The following AGMO variants were observed in gnomAD, a reference collection of about 807,000 sequenced individuals.
AGMO encodes glyceryl-ether monooxygenase.
AGMO carries 75 observed loss-of-function variants against 60.2 expected under a neutral mutation model. The ratio of observed to expected loss-of-function variants is 1.25; its 90% CI spans 1.03 to 1.51. AGMO has a LOEUF of 1.51. Among genes scored for constraint, AGMO ranks in the 40% most tolerant of loss-of-function variants. The pLI is 0.00. For missense variants in AGMO, 763 were observed against 525.5 expected, an observed-to-expected ratio of 1.45 and a Z score of -4.42; for synonymous variants, 261 against 177.1, an observed-to-expected ratio of 1.47 and a Z score of -3.76.
chr7:15,534,911 T>C (rs1784452827), intron 3 of AGMO, among the ~76,000 whole-genome samples: 1 of 151,916 alleles, frequency 6.6e-6, no homozygotes, highest in African/African-American at 2.4e-5. Flanking sequence ...TATTGCATTA[T>C]ATATAATACA....
At chr7:15,180,531 TACC>T in the AGMO span, among the ~76,000 whole-genome samples, 1 of 152,160 alleles carries the variant, frequency 6.6e-6, no homozygotes, top group Non-Finnish European at 1.5e-5. Context: ...TATCCATTTC[TACC>T]ACCATTTTGG....
At chr7:15,336,777 C>T (rs895235431) in intron 12 of AGMO, among the ~76,000 whole-genome samples, 1 of 151,752 alleles carries the variant, frequency 6.6e-6, no homozygotes, top group South Asian at 2.1e-4. Flanking sequence ...ATAATAATTA[C>T]ATGATTTAAA....
intron 12 of AGMO, among the ~76,000 whole-genome samples, chr7:15,259,277 GCAATAGAATTGAA>G (rs766923134): frequency 6.6e-6 from 1 of 151,816 alleles, no homozygotes; most frequent in Non-Finnish European, 1.5e-5. Context: ...GAAAGTCTCA[GCAATAGAATTGAA>G]CAAGCAGAAG....
Position 15,559,932 on chromosome 7 carries a change from C to A in AGMO, c.257+209G>T, listed in dbSNP as rs574110899. Among the ~76,000 whole-genome samples the A allele has an allele frequency of 2.6e-5, 4 of 152,052 alleles. No homozygotes were observed. The South Asian group carries it at 8.3e-4, about 32-fold the overall frequency. On this transcript the variant is annotated intron_variant, in intron 2 of 12. Transcript: ENST00000342526. Reference sequence around the variant, plus strand: ...CATTTCAAAGGGATATCAACAGAGTCAAGATAAATAATGTTTGCGGTGATT... The same window carrying A: ...CATTTCAAAGGGATATCAACAGAGTAAAGATAAATAATGTTTGCGGTGATT...
At chr7:15,176,872 C>A in the AGMO span, among the ~76,000 whole-genome samples, 2 of 151,850 alleles carry the variant, frequency 1.3e-5, no homozygotes, top group African/African-American at 2.4e-5. Flanking sequence ...GGATGCTATA[C>A]ACAACTAAAC....
chr7:15,238,366 G>C (rs1454805945), intron 12 of AGMO, among the ~76,000 whole-genome samples: 1 of 151,718 alleles, frequency 6.6e-6, no homozygotes, highest in South Asian at 2.1e-4. Context: ...GAAAATTATA[G>C]TTAACAATAA....
chr7:15,178,258 C>T, the AGMO span, among the ~76,000 whole-genome samples: 2 of 152,322 alleles, frequency 1.3e-5, no homozygotes, highest in African/African-American at 4.8e-5. Context: ...CATTGCATGA[C>T]TAAAACATCT....
rs1272404352 is a variant in AGMO, at chr7:15,201,028, G to T, written c.*257C>A. 3.4e-6 allele frequency: 1 copy of T among 297,322 alleles called. No homozygotes were observed. Among genetic ancestry groups the T allele is most frequent in the African/African-American group, 2.2e-5 (1 of 46,204 alleles). 18.4% of individuals were successfully genotyped at this position (297,322 alleles called of 1,614,324 possible). ...CTTCTTTTTATACTTGTCATATAAG[G>T]CTATCAGTTAATATAACATCATTAT... is the stretch of plus-strand genomic sequence containing the variant. On this transcript the variant is annotated 3_prime_UTR_variant, in exon 13 of 13. Transcript: ENST00000342526.
At chr7:15,120,155 T>A in the AGMO span, among the ~76,000 whole-genome samples, 1 of 152,052 alleles carries the variant, frequency 6.6e-6, no homozygotes, top group Non-Finnish European at 1.5e-5. Flanking sequence ...AAAGCTCAAT[T>A]TTTTTTAGAT....
chr7:15,139,832 A>AAAAAAAAAAT, the AGMO span, among the ~76,000 whole-genome samples: 1 of 150,692 alleles, frequency 6.6e-6, no homozygotes, highest in Non-Finnish European at 1.5e-5. Context: ...AAAAAAAAAA[A>AAAAAAAAAAT]AAAAAAGAAT....
intron 12 of AGMO, among the ~76,000 whole-genome samples, chr7:15,355,053 A>G (rs1336921713): frequency 6.6e-6 from 1 of 152,156 alleles, no homozygotes; most frequent in Non-Finnish European, 1.5e-5. Context: ...TCACTAACAT[A>G]GTACCATGGA....
rs752197897 is a variant in AGMO, at chr7:15,385,450, G to C, written c.1070C>G (p.Thr357Arg). 5.7e-6 allele frequency: 9 copies of C among 1,565,256 alleles called. No homozygotes were observed. The African/African-American group carries it at 1.2e-4, about 21-fold the overall frequency. ...CTTAAAATGGATATTACTTACAGCTGTATCTGCAAAGGTCTCTTCATAAAA... is the reference window on the plus strand; with the variant it reads ...CTTAAAATGGATATTACTTACAGCTCTATCTGCAAAGGTCTCTTCATAAAA... The part of the protein sequence containing the change: ...LAFYEETFAD[T>R]AALSQVTLLL... Residue 357 changes from threonine to arginine, a missense_variant, in exon 10 of 13, where the codon ACA (threonine) becomes AGA (arginine). Transcript: ENST00000342526.
chr7:15,354,327 T>TGTATACAC (rs1491261219), intron 12 of AGMO, among the ~76,000 whole-genome samples: 1,347 of 32,230 alleles, frequency 0.042, 181 homozygotes, highest in Non-Finnish European at 0.057. Context: ...TGTATATACG[T>TGTATACAC]ACGCGTGTAT....
At chr7:15,507,551 A>G (rs566349353) in intron 3 of AGMO, among the ~76,000 whole-genome samples, 104 of 152,244 alleles carry the variant, frequency 6.8e-4, no homozygotes, top group Middle Eastern at 3.4e-3. Context: ...ATAAATTACA[A>G]GGAAATGGAA....
At chr7:15,531,076 T>C (rs1583654159) in intron 3 of AGMO, among the ~76,000 whole-genome samples, 2 of 75,406 alleles carry the variant, frequency 2.7e-5, no homozygotes, top group Non-Finnish European at 4.8e-5. Flanking sequence ...ATATTCTATA[T>C]ATATTCTATA....
In AGMO at chr7:15,363,589, T is replaced by C. The variant is rs537967374; in HGVS notation, c.1263+1925A>G. On this transcript the variant is annotated intron_variant, in intron 12 of 12. Transcript: ENST00000342526. ...GCAATACGGCTTCAAAGTTCAAGTC[T>C]TTACCATTTACTTTTATCTATTAAC... Among the ~76,000 whole-genome samples, 8 of 152,298 alleles carry C rather than the reference T, an allele frequency of 5.3e-5. No homozygotes were observed. In the South Asian group the frequency reaches 1.7e-3, roughly 32 times the overall value.
chr7:15,191,597 G>A, the AGMO span, among the ~76,000 whole-genome samples: 3 of 152,194 alleles, frequency 2.0e-5, no homozygotes, highest in South Asian at 6.2e-4. Flanking sequence ...ATAATTAAGG[G>A]CAACGAAGTA....
rs202219275 is a variant in AGMO at position 15,234,445 on chromosome 7, C to T, written c.1264-33086G>A. Reference sequence around the variant, plus strand: ...TTCACTTGGATACCGGTCTTGCCTACATGCAAACTAGTTTCAAGATACGCT... The same window carrying T: ...TTCACTTGGATACCGGTCTTGCCTATATGCAAACTAGTTTCAAGATACGCT... On this transcript the variant is annotated intron_variant, in intron 12 of 12. Transcript: ENST00000342526. 2.1e-3 allele frequency among the ~76,000 whole-genome samples: 326 copies of T among 152,334 alleles called. 1 individual carries two copies. The highest frequency in any genetic ancestry group is 7.4e-3 in the African/African-American group (308 of 41,580).
chr7:15,117,460 A>T, the AGMO span, among the ~76,000 whole-genome samples: 45 of 152,030 alleles, frequency 3.0e-4, no homozygotes, highest in African/African-American at 1.1e-3. Context: ...AAATGCAAAG[A>T]ATTTTAATTC....
Sources: allele counts gnomAD v4.1 joint callset (sites outside exome capture counted in the v4.1 genomes callset), GRCh38; gene constraint gnomAD v4.1.1; transcripts MANE v1.5; gene names NCBI Gene and HGNC (gene_info 2026-07-23, HGNC 2026-07-21).